Variants in HRH1 observed in about 807,000 individuals in gnomAD.
HRH1 encodes histamine H1 receptor.
Under a neutral mutation model 10.3 loss-of-function variants are expected in HRH1, and 6 were observed. That is an observed-to-expected ratio of 0.58 (90% CI 0.32 to 1.15). HRH1 has a LOEUF of 1.15. HRH1 is among the 50% of genes most tolerant of loss of function. The probability of loss-of-function intolerance (pLI) is 0.05; values close to 1 mark genes in which losing one functional copy is unlikely to be tolerated. For missense variants in HRH1, 514 were observed against 615.3 expected (o/e 0.84, Z 1.74); for synonymous variants, 242 against 236.7 (o/e 1.02, Z -0.21).
At chr3:11,224,496 G>A (rs1305513905) in intron 1 of HRH1, among the ~76,000 whole-genome samples, 1 of 152,120 alleles carries the variant, frequency 6.6e-6, no homozygotes, top group Non-Finnish European at 1.5e-5. Flanking sequence ...AGGATATCGA[G>A]ACCATCCTGG....
chr3:11,254,214 G>A (rs940174862), intron 1 of HRH1, among the ~76,000 whole-genome samples: 2 of 152,122 alleles, frequency 1.3e-5, no homozygotes, highest in African/African-American at 2.4e-5. Flanking sequence ...TTGCACCCTA[G>A]TGAGTCTGTG....
intron 1 of HRH1, among the ~76,000 whole-genome samples, chr3:11,225,519 G>A (rs1314457435): frequency 3.9e-5 from 6 of 152,206 alleles, no homozygotes; most frequent in Non-Finnish European, 7.3e-5. Context: ...GGAGCACTCA[G>A]TGACGGGAAC....
intron 1 of HRH1, among the ~76,000 whole-genome samples, chr3:11,196,279 T>C (rs1314382435): frequency 2.0e-5 from 3 of 152,218 alleles, no homozygotes; most frequent in African/African-American, 7.2e-5. Flanking sequence ...GCTTTGCTTG[T>C]GCCATTCCTT....
intron 1 of HRH1, among the ~76,000 whole-genome samples, chr3:11,166,719 G>A (rs57530025): frequency 0.11 from 11,656 of 108,596 alleles, 810 homozygotes; most frequent in East Asian, 0.28. Context: ...CTCCAGGCCC[G>A]TGACATCTGC....
intron 1 of HRH1, among the ~76,000 whole-genome samples, chr3:11,163,661 C>T (rs1199926118): frequency 6.6e-6 from 1 of 151,828 alleles, no homozygotes; most frequent in African/African-American, 2.4e-5. Flanking sequence ...TCCAGTGCTG[C>T]TCCTAGTAGC....
In HRH1 at chr3:11,261,668, C is replaced by G. The variant is rs1939960752; in HGVS notation, c.*1167C>G. ...TCTGGCCAATATGGAGAAACCTTGT[C>G]TCTACTAAAAACACAAAAATTATCT... On this transcript the variant is annotated 3_prime_UTR_variant, in exon 2 of 2. Coordinates refer to ENST00000431010, the MANE Select transcript of HRH1 (RefSeq NM_001098212.2). 1 of 163,040 alleles carries G rather than the reference C, an allele frequency of 6.1e-6. No individual in the cohort carries two copies. The highest frequency in any genetic ancestry group is 2.4e-5 in the African/African-American group (1 of 41,428). 10.1% of individuals were successfully genotyped at this position (163,040 alleles called of 1,614,324 possible).
chr3:11,213,935 G>A (rs1938409559), intron 1 of HRH1, among the ~76,000 whole-genome samples: 1 of 152,194 alleles, frequency 6.6e-6, no homozygotes, highest in South Asian at 2.1e-4. Flanking sequence ...AGAGATGGCA[G>A]GTTTTCTACC....
At chr3:11,201,075 A>C (rs569315322) in intron 1 of HRH1, among the ~76,000 whole-genome samples, 1 of 152,308 alleles carries the variant, frequency 6.6e-6, no homozygotes, top group Non-Finnish European at 1.5e-5. Context: ...TCGGGGATCT[A>C]TCAGTGGATT....
chr3:11,171,079 C>T (rs1937141593), intron 1 of HRH1, among the ~76,000 whole-genome samples: 1 of 151,192 alleles, frequency 6.6e-6, no homozygotes, highest in African/African-American at 2.4e-5. Context: ...ACCAGGAGAC[C>T]AAGAGGAGTT....
intron 1 of HRH1, among the ~76,000 whole-genome samples, chr3:11,139,206 C>G (rs112053599): frequency 6.3e-4 from 95 of 151,468 alleles, no homozygotes; most frequent in African/African-American, 2.2e-3. Context: ...AGGCTGGTTT[C>G]GAACCCCTGA....
At chr3:11,145,398 T>G (rs958268445) in intron 1 of HRH1, among the ~76,000 whole-genome samples, 1 of 152,194 alleles carries the variant, frequency 6.6e-6, no homozygotes, top group Admixed American at 6.5e-5. Context: ...GGTCCTTCAA[T>G]GTTTAGCTGT....
intron 1 of HRH1, among the ~76,000 whole-genome samples, chr3:11,168,732 A>G (rs895636951): frequency 6.6e-6 from 1 of 152,166 alleles, no homozygotes; most frequent in African/African-American, 2.4e-5. Flanking sequence ...GCTGTGAGGA[A>G]CCCCAGGGCT....
chr3:11,205,949 C>G (rs905606859), intron 1 of HRH1, among the ~76,000 whole-genome samples: 1 of 152,114 alleles, frequency 6.6e-6, no homozygotes, highest in African/African-American at 2.4e-5. Context: ...CGTGAGCCAC[C>G]GCGCCTGGCC....
intron 1 of HRH1, among the ~76,000 whole-genome samples, chr3:11,170,961 A>C (rs938989711): frequency 2.0e-5 from 3 of 152,048 alleles, no homozygotes; most frequent in Admixed American, 6.6e-5. Context: ...AACTAGAGAG[A>C]TAAGCAGTGT....
chr3:11,203,050 G>A (rs1937989185), intron 1 of HRH1, among the ~76,000 whole-genome samples: 1 of 152,156 alleles, frequency 6.6e-6, no homozygotes, highest in Non-Finnish European at 1.5e-5. Context: ...TAGTATGCAT[G>A]TCAGTTTCCT....
At chr3:11,144,901 G>A (rs907025664) in intron 1 of HRH1, among the ~76,000 whole-genome samples, 28 of 152,148 alleles carry the variant, frequency 1.8e-4, no homozygotes, top group African/African-American at 6.3e-4. Flanking sequence ...ATAAATAAAT[G>A]TAGCTCTTCC....
chr3:11,252,585 C>G (rs1319163159), intron 1 of HRH1: 1 of 152,198 alleles, frequency 6.6e-6, no homozygotes, highest in East Asian at 1.9e-4. Context: ...CCTGGCTGCC[C>G]TCTGCTAATG....
At chr3:11,163,033 G>A (rs1416772868) in intron 1 of HRH1, among the ~76,000 whole-genome samples, 5 of 152,176 alleles carry the variant, frequency 3.3e-5, no homozygotes, top group South Asian at 4.1e-4. Context: ...GAATTAAAAT[G>A]TGCAGACCTG....
At chr3:11,165,342 CT>C (rs1937010580) in intron 1 of HRH1, among the ~76,000 whole-genome samples, 1 of 152,156 alleles carries the variant, frequency 6.6e-6, no homozygotes, top group Non-Finnish European at 1.5e-5. Flanking sequence ...TCAAAAGTGC[CT>C]ATTTCTAGGT....
Sources: gnomAD v4.1 joint callset for allele counts (sites outside exome capture counted in the v4.1 genomes callset) on GRCh38, gnomAD v4.1.1 for gene constraint, MANE v1.5 for transcripts, NCBI Gene and HGNC (gene_info 2026-07-23, HGNC 2026-07-21) for gene names.